Variants in ABCA13 observed in about 807,000 individuals in gnomAD.
ABCA13 encodes the protein ATP binding cassette subfamily A member 13, also known as ATP-binding cassette sub-family A member 13.
Under a neutral mutation model 478.7 loss-of-function variants are expected in ABCA13, and 476 were observed. The ratio of observed to expected loss-of-function variants is 0.99; its 90% confidence interval spans 0.92 to 1.07. ABCA13 has a LOEUF of 1.07. Ranked by LOEUF, ABCA13 falls within the 50% of genes least tolerant of loss-of-function variation. The pLI, the probability that ABCA13 is intolerant of heterozygous loss-of-function variation, is 0.00. For synonymous variants in ABCA13, 2,252 were observed against 2,158.9 expected (o/e 1.04, Z -1.20); for missense variants, 6,060 against 5,910.6 (o/e 1.03, Z -0.83).
At chr7:48,240,271 C>G (rs1398346765) in intron 9 of ABCA13, among the ~76,000 whole-genome samples, 1 of 152,216 alleles carries the variant, frequency 6.6e-6, no homozygotes, top group Non-Finnish European at 1.5e-5. Context: ...ATCCAATGGT[C>G]TAGTGGACAC....
intron 42 of ABCA13, among the ~76,000 whole-genome samples, chr7:48,434,183 C>T (rs1324462165): frequency 6.6e-6 from 1 of 151,890 alleles, no homozygotes; most frequent in Non-Finnish European, 1.5e-5. Context: ...CTTGTTATTC[C>T]ACCTTTTAAA....
Position 48,314,256 on chromosome 7 carries a change from A to G in ABCA13, c.9706A>G (p.Ser3236Gly), listed in dbSNP as rs184047949. The part of the protein sequence containing the change: ...QQVSQNVQAR[S>G]SAFGSFQFVM... ...GGTTTCACAAAATGTCCAGGCCAGAAGTTCAGCTTTTGGTTCTTTCCAGTT... is the reference window on the plus strand; with the variant it reads ...GGTTTCACAAAATGTCCAGGCCAGAGGTTCAGCTTTTGGTTCTTTCCAGTT... The change falls in exon 26 of 62, where the codon AGT becomes GGT. Residue 3236 changes from serine to glycine, a missense_variant. Coordinates refer to ENST00000435803, the MANE Select transcript of ABCA13 (RefSeq NM_152701.5). 522 of 1,613,306 alleles carry G rather than the reference A, an allele frequency of 3.2e-4. 6 individuals carry two copies. The East Asian group carries it at 9.5e-3, about 29-fold the overall frequency.
At chr7:48,467,895 T>G (rs1827056024) in intron 44 of ABCA13, among the ~76,000 whole-genome samples, 2 of 152,216 alleles carry the variant, frequency 1.3e-5, no homozygotes, top group South Asian at 4.1e-4. Flanking sequence ...CTATTAATGT[T>G]CTCAGTAAGA....
At chr7:48,386,149 T>C (rs549289341) in intron 35 of ABCA13, among the ~76,000 whole-genome samples, 17 of 152,236 alleles carry the variant, frequency 1.1e-4, no homozygotes, top group African/African-American at 3.9e-4. Context: ...ACAACTGCCA[T>C]ACACACACAA....
rs1476668090 is a variant in ABCA13, at chr7:48,297,266, G to T, written c.9154G>T (p.Gly3052Trp). Residue 3052 changes from glycine (G) to tryptophan (W), a missense_variant, in exon 22 of 62, where the codon GGG becomes TGG. Physicochemically the swap from Gly to Trp is radical, Grantham distance 184. Coordinates refer to ENST00000435803, the MANE Select transcript of ABCA13 (RefSeq NM_152701.5). The part of the protein sequence containing the change: ...AKSLEETWSS[G>W]NPIMTFLSNF... Reference sequence around the variant, plus strand: ...AAGCCTCGAGGAAACTTGGTCATCAGGGAATCCCATCATGACTTTTCTCAG... The same window carrying T: ...AAGCCTCGAGGAAACTTGGTCATCATGGAATCCCATCATGACTTTTCTCAG... The T allele has an allele frequency of 6.2e-7, 1 of 1,609,410 alleles. No individual in the cohort carries two copies. Among genetic ancestry groups the T allele is most frequent in the Admixed American group, 1.7e-5 (1 of 59,552 alleles).
chr7:48,370,297 G>A (rs1194430328), intron 32 of ABCA13, among the ~76,000 whole-genome samples: 1 of 152,104 alleles, frequency 6.6e-6, no homozygotes, highest in Non-Finnish European at 1.5e-5. Context: ...TTTTGGATGA[G>A]TCTTTAGGGT....
intron 16 of ABCA13, 52 bp downstream of exon 16, chr7:48,269,146 A>T: frequency 9.6e-7 from 1 of 1,046,052 alleles, no homozygotes; most frequent in African/African-American, 1.6e-5. Context: ...TCATCTGAAG[A>T]TAATCAAAAC....
rs193205599 is a variant in ABCA13, at chr7:48,295,848, A to G, written c.9104A>G (p.Gln3035Arg). Residue 3035 changes from glutamine to arginine, a missense_variant, in exon 21 of 62, where the codon CAG becomes CGG. Gln to Arg is a conservative substitution (Grantham distance 43). Around this residue, in one of 3 missense-constraint regions of ABCA13, gnomAD observed 4,423 missense variants for 4,309.1 expected, o/e 1.03. Coordinates refer to ENST00000435803, the MANE Select transcript of ABCA13 (RefSeq NM_152701.5). ...CTSQPRLETV[Q>R]QHLYMLAKSL... ...AGCCAGCCGAGGCTGGAGACGGTGC[A>G]GCAGCACTTGTACATGTATGCTCTG... 1.2e-6 allele frequency: 2 copies of G among 1,612,432 alleles called. No homozygotes were observed. The highest frequency in any genetic ancestry group is 2.7e-5 in the African/African-American group (2 of 75,004).
intron 2 of ABCA13, among the ~76,000 whole-genome samples, chr7:48,194,667 T>A (rs1797690201): frequency 6.6e-6 from 1 of 152,202 alleles, no homozygotes; most frequent in Non-Finnish European, 1.5e-5. Context: ...AAGGGTTTAA[T>A]AAGTGTTGGG....
At chr7:48,480,482 C>T (rs1828644382) in intron 45 of ABCA13, among the ~76,000 whole-genome samples, 1 of 151,800 alleles carries the variant, frequency 6.6e-6, no homozygotes, top group African/African-American at 2.4e-5. Flanking sequence ...CGGTCTGTGG[C>T]AGGGCAGAGC....
chr7:48,301,335 G>T (rs1316671169), intron 23 of ABCA13, among the ~76,000 whole-genome samples: 1 of 152,126 alleles, frequency 6.6e-6, no homozygotes, highest in Admixed American at 6.5e-5. Context: ...GGCTGGTTCT[G>T]TCGGTTGCGA....
chr7:48,197,681 C>T (rs1444233425), intron 2 of ABCA13, among the ~76,000 whole-genome samples: 1 of 149,972 alleles, frequency 6.7e-6, no homozygotes, highest in Non-Finnish European at 1.5e-5. Context: ...GATGTGTAAA[C>T]AGCACATTAT....
At chr7:48,239,439 G>GC in intron 9 of ABCA13, 34 bp downstream of exon 9, 2 of 1,556,196 alleles carry the variant, frequency 1.3e-6, no homozygotes, top group South Asian at 1.2e-5. Flanking sequence ...CTGTTCAAAG[G>GC]TGTGCCAGTT....
intron 59 of ABCA13, among the ~76,000 whole-genome samples, chr7:48,619,328 GA>G (rs1232366430): frequency 1.3e-5 from 2 of 150,136 alleles, no homozygotes; most frequent in East Asian, 2.0e-4. Flanking sequence ...GGGCCTCTGA[GA>G]AAAAAAAATG....
chr7:48,297,332 GT>G, intron 22 of ABCA13, 21 bp downstream of exon 22: 1 of 1,579,456 alleles, frequency 6.3e-7, no homozygotes. Context: ...GGTTTTCCAA[GT>G]TTGCTTGATT....
chr7:48,307,958 A>G lies in ABCA13; in HGVS notation c.9322-1989A>G, dbSNP rs187002841. 2.2e-3 allele frequency among the ~76,000 whole-genome samples: 336 copies of G among 152,318 alleles called. 1 individual carries two copies. Among genetic ancestry groups the G allele is most frequent in the African/African-American group, 7.0e-3 (293 of 41,564 alleles). Reference sequence around the variant, plus strand: ...CTTAGCCTCCCAAAGTACTGGGATTATAGGTGTGAGCAACTGCACCCTGCC... The same window carrying G: ...CTTAGCCTCCCAAAGTACTGGGATTGTAGGTGTGAGCAACTGCACCCTGCC... On this transcript the variant is annotated intron_variant, in intron 23 of 61. Coordinates refer to ENST00000435803, the MANE Select transcript of ABCA13 (RefSeq NM_152701.5).
rs2128770557 is a variant in ABCA13, at chr7:48,278,663, A to G, written c.7469A>G (p.His2490Arg). The G allele has an allele frequency of 6.2e-7, 1 of 1,613,666 alleles. No homozygotes were observed. Among genetic ancestry groups the G allele is most frequent in the Non-Finnish European group, 8.5e-7 (1 of 1,179,556 alleles). ...ATTTCAAGAGCAAGTGAAGAAAGTC[A>G]CGTCCTGAAACCCCTCTTAGAAATG... ...GAISRASEES[H>R]VLKPLLEMSG... Residue 2490 changes from histidine (H) to arginine (R), a missense_variant, in exon 18 of 62, where the codon CAC becomes CGC. By Grantham distance (29) the His-to-Arg change is conservative. Transcript: ENST00000435803.
intron 55 of ABCA13, among the ~76,000 whole-genome samples, chr7:48,563,256 G>C (rs1247665436): frequency 1.3e-5 from 2 of 150,192 alleles, no homozygotes; most frequent in Admixed American, 6.6e-5. Flanking sequence ...GTGAGAAGGA[G>C]TTGTTCTTCA....
intron 50 of ABCA13, among the ~76,000 whole-genome samples, chr7:48,508,541 C>T (rs1563369797): frequency 6.6e-6 from 1 of 152,104 alleles, no homozygotes; most frequent in East Asian, 1.9e-4. Context: ...GGGACAATAA[C>T]AGATGCTTTG....
Sources: gnomAD v4.1 joint callset for allele counts (sites outside exome capture counted in the v4.1 genomes callset) on GRCh38, gnomAD v4.1.1 for gene constraint, gnomAD v4.1.1 regional missense constraint, MANE v1.5 for transcripts, NCBI Gene and HGNC (gene_info 2026-07-23, HGNC 2026-07-21) for gene names.